Variants in MARCHF1 observed in about 807,000 individuals in gnomAD.
MARCHF1 encodes E3 ubiquitin-protein ligase MARCHF1.
MARCHF1 carries 40 observed loss-of-function variants against 54.2 expected under a neutral mutation model. The observed-to-expected ratio is 0.74, with a 90% CI of 0.57 to 0.96. The LOEUF (loss-of-function observed/expected upper bound fraction) is 0.96, where lower values mean the gene tolerates loss of function less well. Ranked by LOEUF, MARCHF1 falls within the 40% of genes least tolerant of loss-of-function variation. MARCHF1 has a pLI of 0.00. For synonymous variants in MARCHF1, 236 were observed against 236.3 expected (o/e 1.00, Z 0.01); for missense variants, 586 against 656.5 (o/e 0.89, Z 1.17).
At chr4:163,547,923 A>G (rs999604136) in intron 8 of MARCHF1, among the ~76,000 whole-genome samples, 1 of 152,214 alleles carries the variant, frequency 6.6e-6, no homozygotes, top group Admixed American at 6.5e-5. Flanking sequence ...GTTTTTTATC[A>G]AACTATATTT....
intron 1 of MARCHF1, among the ~76,000 whole-genome samples, chr4:164,283,499 A>G (rs1275790686): frequency 6.6e-6 from 1 of 151,046 alleles, no homozygotes; most frequent in Non-Finnish European, 1.5e-5. Flanking sequence ...ACTAACAAAT[A>G]GAACACCGGA....
At chr4:163,683,243 G>C (rs542507047) in intron 5 of MARCHF1, among the ~76,000 whole-genome samples, 1 of 152,198 alleles carries the variant, frequency 6.6e-6, no homozygotes. Flanking sequence ...TCACAATCAT[G>C]GCGGAAGGTA....
At chr4:164,316,247 C>G (rs895467579) in intron 1 of MARCHF1, among the ~76,000 whole-genome samples, 1 of 152,142 alleles carries the variant, frequency 6.6e-6, no homozygotes, top group East Asian at 1.9e-4. Flanking sequence ...CCTAGCATGA[C>G]ATGTCAAAAG....
At chr4:164,236,066 C>T (rs1256216094) in intron 1 of MARCHF1, among the ~76,000 whole-genome samples, 2 of 151,938 alleles carry the variant, frequency 1.3e-5, no homozygotes, top group East Asian at 3.9e-4. Context: ...TTCCTGATGT[C>T]CTAAGGATTC....
At chr4:163,930,040 A>G (rs1368005854) in intron 3 of MARCHF1, among the ~76,000 whole-genome samples, 1 of 140,352 alleles carries the variant, frequency 7.1e-6, no homozygotes, top group Non-Finnish European at 1.5e-5. Context: ...TATATAGCTA[A>G]TTTGTTGTCT....
chr4:164,084,119 C>T (rs893930839), intron 2 of MARCHF1, among the ~76,000 whole-genome samples: 4 of 151,810 alleles, frequency 2.6e-5, no homozygotes, highest in African/African-American at 4.8e-5. Context: ...GCAAACAAAT[C>T]GAGGACTTTG....
chr4:163,911,889 A>G (rs1751197011), intron 3 of MARCHF1, among the ~76,000 whole-genome samples: 1 of 152,140 alleles, frequency 6.6e-6, no homozygotes, highest in African/African-American at 2.4e-5. Context: ...TAGCCCCCAG[A>G]ACTATAAGAA....
At chr4:163,678,914 A>G (rs1744003969) in intron 5 of MARCHF1, among the ~76,000 whole-genome samples, 1 of 152,172 alleles carries the variant, frequency 6.6e-6, no homozygotes, top group South Asian at 2.1e-4. Context: ...AAATAATTTT[A>G]TTTGATGGTT....
intron 2 of MARCHF1, among the ~76,000 whole-genome samples, chr4:164,067,153 T>C (rs1005516609): frequency 1.3e-5 from 2 of 152,218 alleles, no homozygotes; most frequent in African/African-American, 2.4e-5. Context: ...ATCATTACAA[T>C]GTCCATATGG....
At chr4:164,227,418 G>T (rs1732289822) in intron 1 of MARCHF1, among the ~76,000 whole-genome samples, 1 of 152,202 alleles carries the variant, frequency 6.6e-6, no homozygotes, top group Non-Finnish European at 1.5e-5. Context: ...TGAGATTTGG[G>T]TGGGGACACA....
chr4:163,783,075 C>G (rs1224846071), intron 4 of MARCHF1, among the ~76,000 whole-genome samples: 1 of 152,088 alleles, frequency 6.6e-6, no homozygotes, highest in Non-Finnish European at 1.5e-5. Flanking sequence ...TTTAAATTCT[C>G]AAATTGATAA....
At chr4:163,921,919 C>T (rs928313451) in intron 3 of MARCHF1, among the ~76,000 whole-genome samples, 2 of 152,052 alleles carry the variant, frequency 1.3e-5, no homozygotes, top group African/African-American at 4.8e-5. Flanking sequence ...CACATGCACA[C>T]ATATGTTTAT....
chr4:164,138,141 T>C (rs1305137669), intron 1 of MARCHF1, among the ~76,000 whole-genome samples: 4 of 152,136 alleles, frequency 2.6e-5, no homozygotes, highest in African/African-American at 7.2e-5. Flanking sequence ...ACAGGACTTA[T>C]TGGGCCAAAT....
At position 163,770,018 on chromosome 4, in the gene MARCHF1, AT is replaced by A. The variant is rs374052687; in HGVS notation, c.112-69156del. 2.3e-3 allele frequency among the ~76,000 whole-genome samples: 346 copies of A among 152,280 alleles called. 4 individuals are homozygous for A. The highest frequency in any genetic ancestry group is 7.8e-3 in the African/African-American group (326 of 41,560). ...AAGACCTTTATGATGATTCACTTCC[AT>A]TTAATGAACAGTAGATATATTTTCT... On this transcript the variant is annotated intron_variant, in intron 4 of 9. Transcript: ENST00000514618.
At chr4:164,128,266 G>A (rs1342380680) in intron 1 of MARCHF1, among the ~76,000 whole-genome samples, 1 of 151,816 alleles carries the variant, frequency 6.6e-6, no homozygotes, top group Non-Finnish European at 1.5e-5. Context: ...AAATCCAGTA[G>A]CAATAAAAGA....
chr4:163,686,154 TA>T (rs1455472612), intron 5 of MARCHF1, among the ~76,000 whole-genome samples: 1 of 152,172 alleles, frequency 6.6e-6, no homozygotes, highest in Non-Finnish European at 1.5e-5. Context: ...TTAATATTAG[TA>T]AGACATAATA....
chr4:164,295,761 G>A (rs967559899), intron 1 of MARCHF1, among the ~76,000 whole-genome samples: 1 of 152,056 alleles, frequency 6.6e-6, no homozygotes, highest in Non-Finnish European at 1.5e-5. Flanking sequence ...GGAGAAAAGA[G>A]AAAAAGAATA....
chr4:163,598,079 A>G (rs775658337), intron 7 of MARCHF1, among the ~76,000 whole-genome samples: 18 of 152,324 alleles, frequency 1.2e-4, no homozygotes, highest in Non-Finnish European at 2.5e-4. Flanking sequence ...GTATACATCT[A>G]TACTCTATGC....
At chr4:163,638,267 A>G (rs1742421042) in intron 5 of MARCHF1, among the ~76,000 whole-genome samples, 1 of 151,968 alleles carries the variant, frequency 6.6e-6, no homozygotes, top group South Asian at 2.1e-4. Context: ...AAAAAAAAAA[A>G]AGAAATGTAA....
Sources: gnomAD v4.1 joint callset for allele counts (sites outside exome capture counted in the v4.1 genomes callset) on GRCh38, gnomAD v4.1.1 for gene constraint, MANE v1.5 for transcripts, NCBI Gene and HGNC (gene_info 2026-07-23, HGNC 2026-07-21) for gene names.